The following SLC24A2 variants were observed in gnomAD, a reference collection of about 807,000 sequenced individuals.
The protein encoded by SLC24A2 is solute carrier family 24 member 2, also known as sodium/potassium/calcium exchanger 2.
In SLC24A2, 36 loss-of-function variants were observed where a neutral mutation model predicts 62.0. That is an observed-to-expected ratio of 0.58 (90% CI 0.44 to 0.77). The LOEUF is 0.77. SLC24A2 is among the 30% of genes least tolerant of loss of function. The pLI, the probability that SLC24A2 is intolerant of heterozygous loss-of-function variation, is 0.00. For synonymous variants in SLC24A2, 358 were observed against 294.0 expected, an observed-to-expected ratio of 1.22 and a Z score of -2.23; for missense variants, 846 against 817.9, an observed-to-expected ratio of 1.03 and a Z score of -0.42.
chr9:19,763,475 T>C (rs1587287880), intron 2 of SLC24A2, among the ~76,000 whole-genome samples: 1 of 152,188 alleles, frequency 6.6e-6, no homozygotes, highest in East Asian at 1.9e-4. Context: ...GCTCTTATTA[T>C]TTTGAGATAT....
the SLC24A2 span, among the ~76,000 whole-genome samples, chr9:20,243,689 A>C: frequency 6.6e-6 from 1 of 152,168 alleles, no homozygotes; most frequent in East Asian, 1.9e-4. Flanking sequence ...GTCTTAGAAG[A>C]CTTTTAATTT....
At chr9:19,560,696 C>T (rs542122103) in intron 7 of SLC24A2, among the ~76,000 whole-genome samples, 1 of 152,270 alleles carries the variant, frequency 6.6e-6, no homozygotes, top group East Asian at 1.9e-4. Flanking sequence ...TAGGCTAATA[C>T]AATGCCCATA....
intron 7 of SLC24A2, among the ~76,000 whole-genome samples, chr9:19,561,338 G>C (rs1586962513): frequency 2.0e-5 from 3 of 150,282 alleles, no homozygotes; most frequent in Admixed American, 6.6e-5. Flanking sequence ...GTAAGTTTAC[G>C]TGTTTCTTAT....
the SLC24A2 span, among the ~76,000 whole-genome samples, chr9:20,229,196 G>T: frequency 1.3e-5 from 2 of 152,108 alleles, no homozygotes; most frequent in African/African-American, 4.8e-5. Context: ...CTCCTGAGAA[G>T]CAGTGTAGCT....
the SLC24A2 span, among the ~76,000 whole-genome samples, chr9:19,960,834 G>A: frequency 6.6e-6 from 1 of 152,154 alleles, no homozygotes; most frequent in African/African-American, 2.4e-5. Context: ...AGCATTAAGT[G>A]TGATAACATA....
At chr9:19,683,688 C>T (rs1351968348) in intron 2 of SLC24A2, among the ~76,000 whole-genome samples, 1 of 152,070 alleles carries the variant, frequency 6.6e-6, no homozygotes, top group Non-Finnish European at 1.5e-5. Context: ...TTAGCAAGGA[C>T]CGCTATACCA....
chr9:19,820,039 A>ACATATATATATGTG, the SLC24A2 span, among the ~76,000 whole-genome samples: 118 of 20,664 alleles, frequency 5.7e-3, 5 homozygotes, highest in African/African-American at 7.8e-3. Flanking sequence ...ATATATATAT[A>ACATATATATATGTG]TACATATATA....
the SLC24A2 span, among the ~76,000 whole-genome samples, chr9:19,803,393 C>T: frequency 6.6e-6 from 1 of 151,944 alleles, no homozygotes; most frequent in African/African-American, 2.4e-5. Flanking sequence ...TATAAAAGAT[C>T]TATAAAAGTA....
chr9:19,598,296 A>G (rs1308526909), intron 4 of SLC24A2, among the ~76,000 whole-genome samples: 1 of 152,204 alleles, frequency 6.6e-6, no homozygotes, highest in East Asian at 1.9e-4. Context: ...GAATGCTCCC[A>G]TGGCCCATTA....
chr9:20,294,552 G>T, the SLC24A2 span, among the ~76,000 whole-genome samples: 1 of 152,120 alleles, frequency 6.6e-6, no homozygotes. Flanking sequence ...CTGACTCAAT[G>T]CTTTCTTAAG....
the SLC24A2 span, among the ~76,000 whole-genome samples, chr9:20,145,689 C>A: frequency 1.3e-5 from 2 of 151,460 alleles, no homozygotes; most frequent in Non-Finnish European, 1.5e-5. Flanking sequence ...CATATACAAT[C>A]CTACCCCTTC....
the SLC24A2 span, among the ~76,000 whole-genome samples, chr9:20,302,606 T>A: frequency 6.6e-6 from 1 of 152,250 alleles, no homozygotes; most frequent in African/African-American, 2.4e-5. Flanking sequence ...GAGTTTTTTT[T>A]ATACTTTTCT....
chr9:19,551,829 A>C (rs184840310), intron 7 of SLC24A2, among the ~76,000 whole-genome samples: 1 of 152,288 alleles, frequency 6.6e-6, no homozygotes, highest in East Asian at 1.9e-4. Flanking sequence ...TACTGCAGAA[A>C]GTATGTATAG....
chr9:20,187,648 G>A, the SLC24A2 span, among the ~76,000 whole-genome samples: 181 of 152,294 alleles, frequency 1.2e-3, no homozygotes, highest in African/African-American at 4.2e-3. Flanking sequence ...TTCATTCAAA[G>A]TTGAAGACTC....
the SLC24A2 span, among the ~76,000 whole-genome samples, chr9:20,268,237 G>C: frequency 1.4e-3 from 220 of 152,224 alleles, no homozygotes; most frequent in African/African-American, 5.2e-3. Context: ...CAGAGGAGAG[G>C]GCGCTCCCTC....
the SLC24A2 span, among the ~76,000 whole-genome samples, chr9:20,200,134 A>G: frequency 3.4e-4 from 52 of 152,148 alleles, no homozygotes; most frequent in South Asian, 6.2e-4. Context: ...ACACTGACAC[A>G]TACCTTATTG....
At chr9:20,272,353 C>A in the SLC24A2 span, among the ~76,000 whole-genome samples, 175 of 152,256 alleles carry the variant, frequency 1.1e-3, no homozygotes, top group Non-Finnish European at 1.8e-3. Flanking sequence ...GTTTTAGAGT[C>A]TCATAGTTCG....
chr9:20,196,641 T>C, the SLC24A2 span, among the ~76,000 whole-genome samples: 1 of 152,234 alleles, frequency 6.6e-6, no homozygotes, highest in South Asian at 2.1e-4. Context: ...GCCTAGCTAA[T>C]ACACCACTTT....
At chr9:20,006,495 G>C in the SLC24A2 span, among the ~76,000 whole-genome samples, 3 of 152,152 alleles carry the variant, frequency 2.0e-5, no homozygotes, top group African/African-American at 7.2e-5. Flanking sequence ...CACAAAAAAG[G>C]ATAAATGCTT....
Sources: allele counts gnomAD v4.1 joint callset (sites outside exome capture counted in the v4.1 genomes callset), GRCh38; gene constraint gnomAD v4.1.1; transcripts MANE v1.5; gene names NCBI Gene and HGNC (gene_info 2026-07-23, HGNC 2026-07-21).